Variants in SPADH observed in about 807,000 individuals in gnomAD.
The protein encoded by SPADH is CUB domain-containing protein.
chr10:122,675,917 C>T, the SPADH span, among the ~76,000 whole-genome samples: 1 of 152,230 alleles, frequency 6.6e-6, no homozygotes, highest in South Asian at 2.1e-4. Flanking sequence ...CTCCTCTGCC[C>T]TCCTGTCTGA....
the SPADH span, among the ~76,000 whole-genome samples, chr10:122,675,236 G>A: frequency 1.2e-4 from 18 of 152,168 alleles, no homozygotes; most frequent in African/African-American, 4.3e-4. Context: ...AGTGGGACGT[G>A]AGACCTTTAG....
At chr10:122,674,677 T>C in the SPADH span, among the ~76,000 whole-genome samples, 2 of 152,166 alleles carry the variant, frequency 1.3e-5, no homozygotes, top group African/African-American at 2.4e-5. Context: ...CTAATTTACT[T>C]AGTAAAGAAA....
chr10:122,673,540 T>G, the SPADH span, among the ~76,000 whole-genome samples: 1 of 152,142 alleles, frequency 6.6e-6, no homozygotes, highest in African/African-American at 2.4e-5. Context: ...CTGGGAATTG[T>G]GTCAACTGCA....
At chr10:122,674,584 A>G in the SPADH span, among the ~76,000 whole-genome samples, 1 of 152,196 alleles carries the variant, frequency 6.6e-6, no homozygotes, top group African/African-American at 2.4e-5. Flanking sequence ...AAGGACCAAT[A>G]TAGTCTCAGG....
At chr10:122,678,681 C>T in the SPADH span, among the ~76,000 whole-genome samples, 2 of 151,850 alleles carry the variant, frequency 1.3e-5, no homozygotes, top group African/African-American at 4.8e-5. Flanking sequence ...CCCCTGCTTG[C>T]GTTATTGAAG....
At chr10:122,672,864 T>C in the SPADH span, 3 of 985,408 alleles carry the variant, frequency 3.0e-6, no homozygotes, top group Middle Eastern at 5.2e-4. Flanking sequence ...CTGAGGTTGG[T>C]GCCAGGCCCT....
At chr10:122,672,908 G>T in the SPADH span, 3 of 985,458 alleles carry the variant, frequency 3.0e-6, no homozygotes, top group Non-Finnish European at 3.6e-6. Context: ...CCTTCGCTTG[G>T]CCGCTGCTGT....
chr10:122,678,240 GA>G, the SPADH span, among the ~76,000 whole-genome samples: 4 of 152,270 alleles, frequency 2.6e-5, no homozygotes, highest in African/African-American at 9.6e-5. Flanking sequence ...GGGAAGTAGG[GA>G]GGTCTCCTAG....
the SPADH span, among the ~76,000 whole-genome samples, chr10:122,678,197 G>A: frequency 2.6e-5 from 4 of 152,160 alleles, no homozygotes; most frequent in African/African-American, 9.7e-5. Flanking sequence ...GATGAGGGGT[G>A]GAGATTAGGA....
At chr10:122,678,360 C>A in the SPADH span, among the ~76,000 whole-genome samples, 2 of 152,144 alleles carry the variant, frequency 1.3e-5, no homozygotes, top group African/African-American at 4.8e-5. Context: ...GGGGGTCATG[C>A]TTCACCTCTT....
the SPADH span, among the ~76,000 whole-genome samples, chr10:122,678,303 C>A: frequency 6.6e-6 from 1 of 152,176 alleles, no homozygotes; most frequent in South Asian, 2.1e-4. Flanking sequence ...AGATAGAGAC[C>A]CCTCTCTCCT....
chr10:122,678,268 G>C, the SPADH span, among the ~76,000 whole-genome samples: 1 of 152,156 alleles, frequency 6.6e-6, no homozygotes, highest in Non-Finnish European at 1.5e-5. Flanking sequence ...GAACTTCCAT[G>C]TGCAGCTTGT....
the SPADH span, among the ~76,000 whole-genome samples, chr10:122,675,003 C>T: frequency 2.0e-5 from 3 of 152,158 alleles, no homozygotes; most frequent in Admixed American, 6.5e-5. Flanking sequence ...CACCGTGGGA[C>T]GTATGAGATT....
chr10:122,677,624 T>C, the SPADH span, among the ~76,000 whole-genome samples: 1 of 152,218 alleles, frequency 6.6e-6, no homozygotes, highest in Non-Finnish European at 1.5e-5. Context: ...GGAAACCACA[T>C]TTCCATCAAT....
the SPADH span, among the ~76,000 whole-genome samples, chr10:122,674,248 GA>G: frequency 6.6e-6 from 1 of 152,188 alleles, no homozygotes; most frequent in African/African-American, 2.4e-5. Context: ...AGGAGTTAGT[GA>G]AGCAAAAGTT....
chr10:122,674,424 T>C, the SPADH span, among the ~76,000 whole-genome samples: 1 of 152,216 alleles, frequency 6.6e-6, no homozygotes, highest in Admixed American at 6.5e-5. Flanking sequence ...TTAAGGTAGA[T>C]GTGGTTACAG....
At chr10:122,678,314 C>T in the SPADH span, among the ~76,000 whole-genome samples, 1 of 152,154 alleles carries the variant, frequency 6.6e-6, no homozygotes, top group Non-Finnish European at 1.5e-5. Flanking sequence ...CCTCTCTCCT[C>T]TGCAGTGAGT....
chr10:122,676,838 G>T, the SPADH span: 1 of 985,292 alleles, frequency 1.0e-6, no homozygotes. Flanking sequence ...AATGCGTCTG[G>T]ATCATCGAGT....
the SPADH span, among the ~76,000 whole-genome samples, chr10:122,676,315 C>T: frequency 6.6e-6 from 1 of 152,204 alleles, no homozygotes; most frequent in Non-Finnish European, 1.5e-5. Context: ...CATCATTGAA[C>T]CTCAAGGAGA....
Sources: gnomAD v4.1 joint callset for allele counts (sites outside exome capture counted in the v4.1 genomes callset) on GRCh38, gnomAD v4.1.1 for gene constraint, MANE v1.5 for transcripts, NCBI Gene and HGNC (gene_info 2026-07-23, HGNC 2026-07-21) for gene names.